Variants in SHANK2 observed in about 807,000 individuals in gnomAD.
SHANK2 encodes the protein SH3 and multiple ankyrin repeat domains 2, also known as SH3 and multiple ankyrin repeat domains protein 2.
SHANK2 carries 43 observed loss-of-function variants against 133.7 expected under a neutral mutation model. That is an observed-to-expected ratio of 0.32 (90% confidence interval 0.25 to 0.41). The LOEUF is 0.41. Ranked by LOEUF, SHANK2 falls within the 10% of genes least tolerant of loss-of-function variation. The probability of loss-of-function intolerance (pLI) is 1.00; values close to 1 mark genes in which losing one functional copy is unlikely to be tolerated. For synonymous variants in SHANK2, 1,017 were observed against 952.8 expected, an observed-to-expected ratio of 1.07 and a Z score of -1.24; for missense variants, 1,994 against 2,235.8, an observed-to-expected ratio of 0.89 and a Z score of 2.18.
intron 14 of SHANK2, among the ~76,000 whole-genome samples, chr11:70,779,790 C>T (rs1217577236): frequency 2.0e-5 from 3 of 152,200 alleles, no homozygotes; most frequent in Non-Finnish European, 4.4e-5. Flanking sequence ...CTGCCTGCCA[C>T]CCCCTCCTTC....
intron 10 of SHANK2, among the ~76,000 whole-genome samples, chr11:70,929,496 T>C (rs999347575): frequency 4.6e-5 from 7 of 152,150 alleles, no homozygotes; most frequent in Admixed American, 4.6e-4. Flanking sequence ...AAGAATCCAT[T>C]TCCTCCCCTC....
chr11:70,725,101 G>C (rs141173788), intron 14 of SHANK2, among the ~76,000 whole-genome samples: 4 of 152,144 alleles, frequency 2.6e-5, no homozygotes, highest in South Asian at 2.1e-4. Flanking sequence ...TGATTCTTTG[G>C]GGGGGAAAAC....
intron 25 of SHANK2, chr11:70,474,867 C>T (rs552747372): frequency 2.6e-5 from 4 of 152,440 alleles, no homozygotes; most frequent in Non-Finnish European, 5.9e-5. Context: ...CCACATCTTC[C>T]CACATGAAGT....
intron 2 of SHANK2, among the ~76,000 whole-genome samples, chr11:71,207,918 G>C (rs782456947): frequency 2.0e-5 from 3 of 151,930 alleles, no homozygotes; most frequent in Non-Finnish European, 2.9e-5. Flanking sequence ...CTGTGTTCCT[G>C]CCTGCTTCCC....
At chr11:71,223,908 G>A (rs1954598778) in intron 2 of SHANK2, among the ~76,000 whole-genome samples, 1 of 152,106 alleles carries the variant, frequency 6.6e-6, no homozygotes, top group Non-Finnish European at 1.5e-5. Context: ...GGATAGCTCA[G>A]AAGGATTGAG....
chr11:70,908,635 C>T (rs545450878), intron 10 of SHANK2, among the ~76,000 whole-genome samples: 10 of 152,260 alleles, frequency 6.6e-5, no homozygotes, highest in African/African-American at 2.2e-4. Flanking sequence ...ACCTGGGATT[C>T]GGACCAGGCC....
chr11:71,141,017 G>A (rs1952544133), intron 3 of SHANK2, among the ~76,000 whole-genome samples: 1 of 152,244 alleles, frequency 6.6e-6, no homozygotes, highest in Non-Finnish European at 1.5e-5. Flanking sequence ...CACTGGCTCT[G>A]AAGTCTGACC....
intron 17 of SHANK2, among the ~76,000 whole-genome samples, chr11:70,544,816 C>G (rs2059668940): frequency 6.6e-6 from 1 of 152,232 alleles, no homozygotes; most frequent in Non-Finnish European, 1.5e-5. Context: ...CACAAAGGAG[C>G]AAATGTCACC....
At chr11:71,158,099 C>A (rs1952937687) in intron 2 of SHANK2, among the ~76,000 whole-genome samples, 1 of 152,144 alleles carries the variant, frequency 6.6e-6, no homozygotes, top group Non-Finnish European at 1.5e-5. Flanking sequence ...AATCCTGTAG[C>A]AAACATCAAA....
intron 10 of SHANK2, among the ~76,000 whole-genome samples, chr11:70,925,044 G>C (rs75145543): frequency 2.0e-5 from 3 of 152,062 alleles, no homozygotes; most frequent in Non-Finnish European, 4.4e-5. Context: ...TCCACCAAGC[G>C]GTCAGGAAAT....
intron 2 of SHANK2, among the ~76,000 whole-genome samples, chr11:71,203,571 G>A (rs1395368816): frequency 6.6e-6 from 1 of 152,136 alleles, no homozygotes; most frequent in African/African-American, 2.4e-5. Flanking sequence ...CTGCACTCCA[G>A]GCAACAGACC....
chr11:70,943,478 G>A (rs1054969740), intron 10 of SHANK2, among the ~76,000 whole-genome samples: 5 of 152,142 alleles, frequency 3.3e-5, no homozygotes, highest in Non-Finnish European at 7.3e-5. Flanking sequence ...GAGGAACCAG[G>A]AGCTTTTCCC....
At chr11:70,894,244 G>A (rs1344279744) in intron 11 of SHANK2, among the ~76,000 whole-genome samples, 2 of 152,300 alleles carry the variant, frequency 1.3e-5, no homozygotes, top group South Asian at 2.1e-4. Flanking sequence ...TGCCCAGGCT[G>A]TAGTGCAGTC....
intron 17 of SHANK2, among the ~76,000 whole-genome samples, chr11:70,576,686 G>A (rs782233755): frequency 3.9e-5 from 6 of 152,134 alleles, no homozygotes; most frequent in Non-Finnish European, 7.3e-5. Flanking sequence ...GCCTAACTCT[G>A]CCCTTACCAG....
intron 2 of SHANK2, among the ~76,000 whole-genome samples, chr11:71,208,494 G>A (rs1555118369): frequency 2.0e-5 from 3 of 152,128 alleles, no homozygotes. Context: ...CCAGGACAGG[G>A]CTGTGCACCC....
chr11:70,763,306 TG>T (rs1475715837), intron 14 of SHANK2, among the ~76,000 whole-genome samples: 1 of 151,920 alleles, frequency 6.6e-6, no homozygotes, highest in East Asian at 1.9e-4. Flanking sequence ...GACAGGGCCA[TG>T]GGATGGGAAC....
At position 71,177,796 on chromosome 11, in the gene SHANK2, C is replaced by T. The variant is rs535214561; in HGVS notation, c.-12-30458G>A. 9.9e-5 allele frequency among the ~76,000 whole-genome samples: 15 copies of T among 151,994 alleles called. No individual in the cohort carries two copies. The South Asian group carries it at 1.0e-3, about 11-fold the overall frequency. The stretch of plus-strand genomic sequence containing the variant: ...ATTTCTCCAAATAAAATATGCAAAT[C>T]GCAAATAAGCACGTGAAAAAAACAT... On this transcript the variant is annotated intron_variant, in intron 2 of 25. Coordinates refer to ENST00000601538, the MANE Select transcript of SHANK2 (RefSeq NM_012309.5).
At chr11:71,167,496 G>C (rs1307397425) in intron 2 of SHANK2, among the ~76,000 whole-genome samples, 50 of 137,136 alleles carry the variant, frequency 3.6e-4, no homozygotes, top group African/African-American at 1.3e-3. Flanking sequence ...CGGCCGGGCA[G>C]AGGCGCCCCT....
intron 15 of SHANK2, among the ~76,000 whole-genome samples, chr11:70,687,488 C>T (rs1294853527): frequency 1.3e-5 from 2 of 151,882 alleles, no homozygotes; most frequent in Non-Finnish European, 2.9e-5. Context: ...GTTGGCAGCT[C>T]GGAATGGGCC....
Sources: gnomAD v4.1 joint callset for allele counts (sites outside exome capture counted in the v4.1 genomes callset) on GRCh38, gnomAD v4.1.1 for gene constraint, MANE v1.5 for transcripts, NCBI Gene and HGNC (gene_info 2026-07-23, HGNC 2026-07-21) for gene names.